DHRS12: variants seen among roughly 807,000 people sequenced by gnomAD.
DHRS12 encodes dehydrogenase/reductase 12, also known as dehydrogenase/reductase SDR family member 12.
Under a neutral mutation model 32.1 loss-of-function variants are expected in DHRS12, and 29 were observed. That is an observed-to-expected ratio of 0.90 (90% CI 0.67 to 1.23). The LOEUF is 1.23. Among genes scored for constraint, DHRS12 ranks in the 50% most tolerant of loss-of-function variants. The pLI, the probability that DHRS12 is intolerant of heterozygous loss-of-function variation, is 0.00. For missense variants in DHRS12, 330 were observed against 337.2 expected (o/e 0.98, Z 0.17); for synonymous variants, 150 against 135.9 (o/e 1.10, Z -0.72).
At chr13:51,791,309 A>C (rs1955259731) in intron 2 of DHRS12, 52 bp from the exon 3 acceptor site, 1 of 1,068,620 alleles carries the variant, frequency 9.4e-7, no homozygotes, top group South Asian at 1.8e-5. Context: ...GATATAAACT[A>C]GCACTTTTAA....
At chr13:51,787,177 C>T (rs1345414168) in intron 4 of DHRS12, among the ~76,000 whole-genome samples, 1 of 152,108 alleles carries the variant, frequency 6.6e-6, no homozygotes, top group East Asian at 1.9e-4. Flanking sequence ...TAAGATGTTT[C>T]TAACACAAAC....
chr13:51,791,107 C>T (rs1395399653), intron 3 of DHRS12, 58 bp downstream of exon 3: 2 of 1,246,184 alleles, frequency 1.6e-6, no homozygotes, highest in African/African-American at 1.5e-5. Context: ...TCCACATCCA[C>T]AGACGGAAAC....
chr13:51,797,932 CTG>C, intron 2 of DHRS12: 2 of 1,534,682 alleles, frequency 1.3e-6, no homozygotes, highest in Non-Finnish European at 8.7e-7. Flanking sequence ...ATGAAACCAT[CTG>C]TGAGTTACAG....
At chr13:51,755,297 A>T in the DHRS12 span, 1 of 1,483,684 alleles carries the variant, frequency 6.7e-7, no homozygotes, top group Non-Finnish European at 9.4e-7. Context: ...CATCAGGGTC[A>T]GTGGTTTCCA....
chr13:51,789,639 T>C (rs76368632), intron 4 of DHRS12: 461 of 985,468 alleles, frequency 4.7e-4, no homozygotes, highest in Non-Finnish European at 5.3e-4. Context: ...TTGGTCCATC[T>C]TCTTGCCCAC....
chr13:51,794,991 C>T (rs1955451057), intron 2 of DHRS12, among the ~76,000 whole-genome samples: 1 of 152,048 alleles, frequency 6.6e-6, no homozygotes. Context: ...TACTCCTTTC[C>T]CCAAGCTTAA....
intron 8 of DHRS12, 52 bp downstream of exon 8, chr13:51,769,104 C>G: frequency 1.3e-6 from 2 of 1,547,628 alleles, no homozygotes; most frequent in Non-Finnish European, 1.7e-6. Flanking sequence ...GAAGGCCCAG[C>G]TGCTGCCCCT....
At chr13:51,796,892 A>G (rs1329011058) in intron 2 of DHRS12, among the ~76,000 whole-genome samples, 1 of 152,250 alleles carries the variant, frequency 6.6e-6, no homozygotes, top group African/African-American at 2.4e-5. Flanking sequence ...AAGGGAAAGG[A>G]ACAGACACTT....
chr13:51,768,132 G>A lies in DHRS12; in HGVS notation c.*55C>T, dbSNP rs902352718. On this transcript the variant is annotated 3_prime_UTR_variant, in exon 9 of 9. Coordinates refer to ENST00000444610, the MANE Select transcript of DHRS12 (RefSeq NM_001377533.1). ...CTTCTTATTCACTGGTCCCTAGACC[G>A]CACCTTCTGGTATCTTCTAAGGCAA... is the stretch of plus-strand genomic sequence containing the variant. 30 of 1,534,528 alleles carry A rather than the reference G, an allele frequency of 2.0e-5. No homozygotes were observed. The East Asian group carries it at 6.4e-4, about 33-fold the overall frequency.
chr13:51,764,434 G>C (rs1299975345), downstream of DHRS12: 1 of 152,948 alleles, frequency 6.5e-6, no homozygotes, highest in Non-Finnish European at 1.5e-5. Context: ...GACTTTCCAG[G>C]CTTCAGAAAC....
At chr13:51,756,256 C>A in the DHRS12 span, 14 of 1,540,466 alleles carry the variant, frequency 9.1e-6, no homozygotes, top group Non-Finnish European at 9.6e-6. Flanking sequence ...CACCTCTCTG[C>A]CAGGAGGGGT....
chr13:51,778,939 A>G lies in DHRS12; in HGVS notation c.302-1818T>C, dbSNP rs368206183. Among the ~76,000 whole-genome samples, 40 of 151,894 alleles carry G rather than the reference A, an allele frequency of 2.6e-4. 1 individual carries two copies. The East Asian group carries it at 3.5e-3, about 13-fold the overall frequency. The stretch of plus-strand genomic sequence containing the variant: ...TACACATATATGTGGGTGTCTGTGT[A>G]TATATATATATAAACTCTTATTGAA... On this transcript the variant is annotated intron_variant, in intron 4 of 8. Transcript: ENST00000444610.
intron 7 of DHRS12, among the ~76,000 whole-genome samples, chr13:51,770,144 A>AT (rs1317754381): frequency 6.6e-6 from 1 of 152,266 alleles, no homozygotes; most frequent in Non-Finnish European, 1.5e-5. Context: ...TTTAAATTAA[A>AT]AATAAACATC....
intron 4 of DHRS12, among the ~76,000 whole-genome samples, chr13:51,788,792 T>C (rs1745791): frequency 0.51 from 77,718 of 151,728 alleles, 23,678 homozygotes; most frequent in African/African-American, 0.85. Flanking sequence ...CCCAGGAGTT[T>C]GAGGCTGCAG....
intron 7 of DHRS12, chr13:51,771,488 A>G (rs1394211145): frequency 1.9e-6 from 3 of 1,613,970 alleles, no homozygotes; most frequent in Non-Finnish European, 2.5e-6. Flanking sequence ...GCTCCTGCTC[A>G]TTCCTGTCTG....
Position 51,771,251 on chromosome 13 carries a change from T to A in DHRS12, c.559+570A>T. Reference sequence around the variant, plus strand: ...GCTGCTGCTGCTTTCAGTTCCCTTGTTTGTAGAGGAGGAAAGAGCTGCAGA... The same window carrying A: ...GCTGCTGCTGCTTTCAGTTCCCTTGATTGTAGAGGAGGAAAGAGCTGCAGA... On this transcript the variant is annotated intron_variant, in intron 7 of 8. Coordinates refer to ENST00000444610, the MANE Select transcript of DHRS12 (RefSeq NM_001377533.1). 1.3e-6 allele frequency: 2 copies of A among 1,551,978 alleles called. No homozygotes were observed. Among genetic ancestry groups the A allele is most frequent in the Non-Finnish European group, 1.7e-6 (2 of 1,147,132 alleles).
chr13:51,767,999 G>A lies in DHRS12; in HGVS notation c.*188C>T, dbSNP rs1953827855. The A allele has an allele frequency of 1.4e-6, 2 of 1,409,192 alleles. No individual in the cohort carries two copies. The highest frequency in any genetic ancestry group is 2.9e-5 in the African/African-American group (2 of 69,188). The allele number at this position is 1,409,192 out of a possible 1,614,324, so 87.3% of individuals were successfully genotyped here. On this transcript the variant is annotated 3_prime_UTR_variant, in exon 9 of 9. Coordinates refer to ENST00000444610, the MANE Select transcript of DHRS12 (RefSeq NM_001377533.1). ...AAAGAACCTGCTGCAGGAGTTCAAG[G>A]TGAGCCTGATCACAGCCTCGGTAGT...
At chr13:51,772,528 T>G (rs1235587297) in intron 6 of DHRS12, 1 of 711,548 alleles carries the variant, frequency 1.4e-6, no homozygotes, top group Admixed American at 6.3e-5. Context: ...GGAGCTGTAA[T>G]CCCAGCTACT....
the DHRS12 span, chr13:51,760,133 C>CA: frequency 1.6e-5 from 3 of 192,500 alleles, no homozygotes; most frequent in African/African-American, 7.0e-5. Flanking sequence ...GGTATCTACT[C>CA]AGAGTATTTT....
Sources: allele counts gnomAD v4.1 joint callset (sites outside exome capture counted in the v4.1 genomes callset), GRCh38; gene constraint gnomAD v4.1.1; transcripts MANE v1.5; gene names NCBI Gene and HGNC (gene_info 2026-07-23, HGNC 2026-07-21).